Variants in CMTR1 observed in about 807,000 individuals in gnomAD.
The protein encoded by CMTR1 is cap methyltransferase 1.
CMTR1 carries 39 observed loss-of-function variants against 107.0 expected under a neutral mutation model. The observed-to-expected ratio is 0.36, with a 90% CI of 0.28 to 0.48. The LOEUF is 0.48. Ranked by LOEUF, CMTR1 falls within the 20% of genes least tolerant of loss-of-function variation. The pLI, the probability that CMTR1 is intolerant of heterozygous loss-of-function variation, is 0.99. For missense variants in CMTR1, 672 were observed against 1,064.9 expected (o/e 0.63, Z 5.14); for synonymous variants, 366 against 379.5 (o/e 0.96, Z 0.41).
intron 6 of CMTR1, 138 bp from the exon 7 acceptor site, chr6:37,452,909 G>T: frequency 1.3e-6 from 1 of 745,244 alleles, no homozygotes; most frequent in South Asian, 1.6e-5. Flanking sequence ...GCCTGTGTAG[G>T]GTCACACAGT....
At chr6:37,424,542 C>T in the CMTR1 span, among the ~76,000 whole-genome samples, 3 of 152,002 alleles carry the variant, frequency 2.0e-5, no homozygotes, top group East Asian at 3.8e-4. Context: ...CCACCGCGCC[C>T]GGCCTAGTAC....
Position 37,465,215 on chromosome 6 carries a change from C to T in CMTR1, c.1505+2207C>T, listed in dbSNP as rs550975605. 1.1e-4 allele frequency among the ~76,000 whole-genome samples: 16 copies of T among 151,204 alleles called. No homozygotes were observed. In the South Asian group the frequency reaches 2.1e-3, roughly 20 times the overall value. ...CCCGGGAGGCGAGGTTGCGGTGAGC[C>T]GAGATCGCGCCATCGTACTCCAGCC... On this transcript the variant is annotated intron_variant, in intron 13 of 23. Transcript: ENST00000373451.
chr6:37,432,692 G>A (rs1196426372), upstream of CMTR1, among the ~76,000 whole-genome samples: 1 of 152,246 alleles, frequency 6.6e-6, no homozygotes, highest in Non-Finnish European at 1.5e-5. Flanking sequence ...TGAGGTGACT[G>A]AGTGAGGATG....
At chr6:37,475,501 T>A in intron 19 of CMTR1, 89 bp downstream of exon 19, 1 of 1,059,426 alleles carries the variant, frequency 9.4e-7, no homozygotes, top group Non-Finnish European at 1.4e-6. Context: ...GCCCCTTATC[T>A]AGGCCTTCTC....
intron 23 of CMTR1, 40 bp from the exon 24 acceptor site, chr6:37,479,973 G>A: frequency 6.7e-7 from 1 of 1,492,734 alleles, no homozygotes; most frequent in Non-Finnish European, 8.9e-7. Context: ...GTGCCATCTG[G>A]GTGCAGTCCT....
At chr6:37,451,629 T>C (rs1392609409) in intron 5 of CMTR1, among the ~76,000 whole-genome samples, 177 bp from the exon 6 acceptor site, 2 of 152,184 alleles carry the variant, frequency 1.3e-5, no homozygotes, top group East Asian at 3.8e-4. Context: ...CACAGCCATC[T>C]GGAGAATAGC....
At chr6:37,437,243 C>T (rs1378663717) in intron 2 of CMTR1, among the ~76,000 whole-genome samples, 1 of 149,556 alleles carries the variant, frequency 6.7e-6, no homozygotes, top group Non-Finnish European at 1.5e-5. Context: ...AGCTCATCAG[C>T]TGGCCAGGCG....
chr6:37,471,045 T>C lies in CMTR1; in HGVS notation c.1530T>C (p.Ala510=), dbSNP rs376445654. The C allele has an allele frequency of 3.7e-5, 60 of 1,607,542 alleles. No individual in the cohort carries two copies. In the African/African-American group the frequency reaches 7.4e-4, roughly 20 times the overall value. ...NESHCSLQIK[A]LAKIHAFVQD... is the part of the protein sequence containing the mutation. ...GCCACTGTAGTCTGCAGATCAAAGC[T>C]CTGGCGAAAATCCATGCCTTTGTTC... The change falls in exon 14 of 24, where the codon GCT becomes GCC. Residue 510 remains alanine (A), a synonymous_variant. Coordinates refer to ENST00000373451, the MANE Select transcript of CMTR1 (RefSeq NM_015050.3).
At chr6:37,426,116 G>T in the CMTR1 span, among the ~76,000 whole-genome samples, 1 of 152,082 alleles carries the variant, frequency 6.6e-6, no homozygotes, top group Non-Finnish European at 1.5e-5. Flanking sequence ...TTCAGCTCCA[G>T]AATTTTTTCT....
chr6:37,477,582 C>G lies in CMTR1; in HGVS notation c.2106-10C>G, dbSNP rs1356817823. The G allele has an allele frequency of 8.7e-6, 14 of 1,613,288 alleles. No homozygotes were observed. Among genetic ancestry groups the G allele is most frequent in the Non-Finnish European group, 1.2e-5 (14 of 1,179,362 alleles). ...AAGCCTTTGTCTTGTCTCTGTCCCT[C>G]TACCTGCAGGGTGAAGGAGGTGTAC... On this transcript the variant is annotated splice_polypyrimidine_tract_variant and intron_variant, in intron 20 of 23. Transcript: ENST00000373451.
At chr6:37,457,721 A>T (rs1761324478) in intron 8 of CMTR1, among the ~76,000 whole-genome samples, 1 of 152,158 alleles carries the variant, frequency 6.6e-6, no homozygotes. Context: ...ATTTTTTAAA[A>T]GGTGGTTGGG....
chr6:37,476,968 C>T (rs1334811219), intron 20 of CMTR1, among the ~76,000 whole-genome samples: 1 of 152,172 alleles, frequency 6.6e-6, no homozygotes, highest in Non-Finnish European at 1.5e-5. Context: ...CTGCTAGGTC[C>T]TGAAAGACAG....
intron 8 of CMTR1, among the ~76,000 whole-genome samples, chr6:37,457,318 C>T (rs1581740157): frequency 6.6e-6 from 1 of 152,068 alleles, no homozygotes; most frequent in Non-Finnish European, 1.5e-5. Flanking sequence ...TTAGTCAGTC[C>T]TGAGTTGGCT....
chr6:37,478,392 C>T lies in CMTR1; in HGVS notation c.2154-17C>T. 6.2e-7 allele frequency: 1 copy of T among 1,603,812 alleles called. No homozygotes were observed. The highest frequency in any genetic ancestry group is 8.5e-7 in the Non-Finnish European group (1 of 1,170,694). On this transcript the variant is annotated splice_polypyrimidine_tract_variant and intron_variant, in intron 21 of 23. Transcript: ENST00000373451. Reference sequence around the variant, plus strand: ...GGCCTTTTCTCTCTCATGCACGTACCTTCTCGGGGAAATCAGGTTGGAGAT... The same window carrying T: ...GGCCTTTTCTCTCTCATGCACGTACTTTCTCGGGGAAATCAGGTTGGAGAT...
At chr6:37,466,120 T>G (rs903607981) in intron 13 of CMTR1, among the ~76,000 whole-genome samples, 20 of 149,484 alleles carry the variant, frequency 1.3e-4, no homozygotes, top group East Asian at 3.9e-4. Flanking sequence ...TTTTGTTTTT[T>G]TTTTTTTTTT....
At chr6:37,447,515 A>G (rs916523954) in intron 4 of CMTR1, among the ~76,000 whole-genome samples, 14 of 152,218 alleles carry the variant, frequency 9.2e-5, no homozygotes, top group African/African-American at 3.1e-4. Flanking sequence ...AAGAGTCCAC[A>G]TCCTTTCAGT....
At position 37,479,142 on chromosome 6, in the gene CMTR1, A is replaced by T; in HGVS notation, c.2267-5A>T. The T allele has an allele frequency of 1.2e-6, 2 of 1,610,720 alleles. No individual in the cohort carries two copies. The highest frequency in any genetic ancestry group is 1.7e-6 in the Non-Finnish European group (2 of 1,176,942). ...CTGGGCTTCATCCCCTCTTCCTCCC[A>T]TCAGAGCCCTGGACTATGGGATTCA... On this transcript the variant is annotated splice_region_variant and splice_polypyrimidine_tract_variant and intron_variant, in intron 22 of 23. Transcript: ENST00000373451.
intron 5 of CMTR1, 79 bp from the exon 6 acceptor site, chr6:37,451,727 T>C: frequency 9.4e-7 from 1 of 1,062,664 alleles, no homozygotes; most frequent in South Asian, 1.3e-5. Flanking sequence ...TCTACTTACT[T>C]GGAACCCTAA....
chr6:37,447,587 A>T (rs1016619161), intron 4 of CMTR1, among the ~76,000 whole-genome samples: 1 of 152,224 alleles, frequency 6.6e-6, no homozygotes, highest in East Asian at 1.9e-4. Context: ...TAGGCCGGGC[A>T]TGGTGGCTTA....
Sources: gnomAD v4.1 joint callset for allele counts (sites outside exome capture counted in the v4.1 genomes callset) on GRCh38, gnomAD v4.1.1 for gene constraint, MANE v1.5 for transcripts, NCBI Gene and HGNC (gene_info 2026-07-23, HGNC 2026-07-21) for gene names.